Variants in CATSPERB observed in about 807,000 individuals in gnomAD.
The protein encoded by CATSPERB is cation channel sperm-associated auxiliary subunit beta.
CATSPERB carries 93 observed loss-of-function variants against 128.3 expected under a neutral mutation model. That is an observed-to-expected ratio of 0.72 (90% CI 0.61 to 0.86). The LOEUF (loss-of-function observed/expected upper bound fraction) is 0.86. Ranked by LOEUF, CATSPERB falls within the 40% of genes least tolerant of loss-of-function variation. The probability of loss-of-function intolerance (pLI) is 0.00; values close to 1 mark genes in which losing one functional copy is unlikely to be tolerated. For synonymous variants in CATSPERB, 381 were observed against 448.8 expected, an observed-to-expected ratio of 0.85 and a Z score of 1.91; for missense variants, 1,153 against 1,329.5, an observed-to-expected ratio of 0.87 and a Z score of 2.06.
At chr14:91,692,930 T>C (rs2139845903) in intron 9 of CATSPERB, among the ~76,000 whole-genome samples, 196 bp downstream of exon 9, 1 of 152,324 alleles carries the variant, frequency 6.6e-6, no homozygotes. Flanking sequence ...GCAATACAAC[T>C]AGCACCACTT....
chr14:91,690,830 G>A (rs1411813318), intron 10 of CATSPERB, among the ~76,000 whole-genome samples: 1 of 152,232 alleles, frequency 6.6e-6, no homozygotes, highest in African/African-American at 2.4e-5. Flanking sequence ...GCCTGGCGAG[G>A]GCCACCTTTC....
At chr14:91,626,426 G>T (rs546915044) in intron 17 of CATSPERB, among the ~76,000 whole-genome samples, 1 of 140,306 alleles carries the variant, frequency 7.1e-6, no homozygotes, top group Non-Finnish European at 1.5e-5. Context: ...GTGCAGTGGC[G>T]CCATCTCAGC....
chr14:91,585,276 A>G (rs1173648351), intron 26 of CATSPERB, among the ~76,000 whole-genome samples: 1 of 152,120 alleles, frequency 6.6e-6, no homozygotes, highest in Non-Finnish European at 1.5e-5. Context: ...TGGCCTCCCA[A>G]AGTGCTGGGA....
intron 22 of CATSPERB, among the ~76,000 whole-genome samples, chr14:91,596,949 C>T (rs1276291541): frequency 6.6e-6 from 1 of 151,534 alleles, no homozygotes; most frequent in African/African-American, 2.4e-5. Flanking sequence ...TGCAGTGACG[C>T]CATCTCGGCT....
intron 9 of CATSPERB, 102 bp from the exon 10 acceptor site, chr14:91,691,657 G>A (rs777319496): frequency 7.9e-5 from 68 of 864,002 alleles, no homozygotes; most frequent in Middle Eastern, 5.0e-4. Context: ...ATATAAATTC[G>A]TTGAAACAAA....
chr14:91,604,758 T>C (rs1893668605), intron 22 of CATSPERB: 6 of 1,613,734 alleles, frequency 3.7e-6, no homozygotes, highest in South Asian at 1.1e-5. Flanking sequence ...CCAGTCATGT[T>C]CACCAGGCAT....
chr14:91,719,012 C>A (rs1895988036), intron 5 of CATSPERB, among the ~76,000 whole-genome samples: 1 of 152,098 alleles, frequency 6.6e-6, no homozygotes, highest in Non-Finnish European at 1.5e-5. Flanking sequence ...TATGATGCTA[C>A]ACTGCCACAA....
chr14:91,686,816 G>A (rs61045020), intron 10 of CATSPERB, among the ~76,000 whole-genome samples: 1,818 of 152,232 alleles, frequency 0.012, 53 homozygotes, highest in African/African-American at 0.042. Context: ...ATTCATGGGA[G>A]CATTGTTTGT....
At chr14:91,696,445 G>T (rs1895562922) in intron 7 of CATSPERB, among the ~76,000 whole-genome samples, 1 of 152,184 alleles carries the variant, frequency 6.6e-6, no homozygotes, top group Admixed American at 6.5e-5. Context: ...TGTTGGAACT[G>T]GCAATATGGA....
chr14:91,606,650 C>T (rs1743162), intron 22 of CATSPERB, among the ~76,000 whole-genome samples: 120,144 of 152,248 alleles, frequency 0.79, 47,706 homozygotes, highest in East Asian at 0.9. Flanking sequence ...CACTCGATGA[C>T]GCTATTTAAT....
At chr14:91,671,846 T>C (rs1895095560) in intron 13 of CATSPERB, among the ~76,000 whole-genome samples, 1 of 151,824 alleles carries the variant, frequency 6.6e-6, no homozygotes, top group Non-Finnish European at 1.5e-5. Context: ...GGTGAAACCC[T>C]GCCTCTACTA....
chr14:91,631,706 G>A (rs1894281404), intron 17 of CATSPERB, among the ~76,000 whole-genome samples: 1 of 151,966 alleles, frequency 6.6e-6, no homozygotes, highest in Non-Finnish European at 1.5e-5. Flanking sequence ...AAAAGGCCAA[G>A]AGGGATTTCT....
At chr14:91,582,307 A>C (rs1411230505) in intron 26 of CATSPERB, among the ~76,000 whole-genome samples, 2 of 152,238 alleles carry the variant, frequency 1.3e-5, no homozygotes, top group African/African-American at 4.8e-5. Context: ...TCACTCTGAC[A>C]TTCAAAGCCT....
intron 23 of CATSPERB, among the ~76,000 whole-genome samples, chr14:91,591,082 G>T (rs896491918): frequency 6.6e-5 from 10 of 151,926 alleles, no homozygotes; most frequent in African/African-American, 2.4e-4. Flanking sequence ...TTTTGAGATG[G>T]AATCTTGCTC....
intron 21 of CATSPERB, among the ~76,000 whole-genome samples, chr14:91,609,393 T>C (rs750686755): frequency 9.9e-5 from 15 of 152,212 alleles, no homozygotes; most frequent in Non-Finnish European, 1.9e-4. Context: ...TGCAGATGAA[T>C]AGCCTCTCAG....
At chr14:91,697,762 T>C (rs1895587317) in intron 7 of CATSPERB, among the ~76,000 whole-genome samples, 2 of 152,236 alleles carry the variant, frequency 1.3e-5, no homozygotes, top group Non-Finnish European at 2.9e-5. Context: ...ACCAGTGCCA[T>C]GCTGTTTTGG....
intron 24 of CATSPERB, among the ~76,000 whole-genome samples, chr14:91,588,679 G>A (rs1218539186): frequency 6.6e-6 from 1 of 152,124 alleles, no homozygotes; most frequent in Non-Finnish European, 1.5e-5. Flanking sequence ...TTTCCATAGT[G>A]TAAATACTCT....
chr14:91,638,769 A>T (rs1032088786), intron 16 of CATSPERB, among the ~76,000 whole-genome samples: 4 of 152,134 alleles, frequency 2.6e-5, no homozygotes, highest in Non-Finnish European at 2.9e-5. Flanking sequence ...TAGAGAATCA[A>T]TCCTACCTTG....
At chr14:91,720,005 C>T (rs964511633) in intron 4 of CATSPERB, among the ~76,000 whole-genome samples, 2 of 152,100 alleles carry the variant, frequency 1.3e-5, no homozygotes, top group Non-Finnish European at 2.9e-5. Context: ...AATTGAGTAG[C>T]GATTTCAGCT....
Sources: allele counts gnomAD v4.1 joint callset (sites outside exome capture counted in the v4.1 genomes callset), GRCh38; gene constraint gnomAD v4.1.1; transcripts MANE v1.5; gene names NCBI Gene and HGNC (gene_info 2026-07-23, HGNC 2026-07-21).